CPAMD8: variants seen among roughly 807,000 people sequenced by gnomAD.
The protein encoded by CPAMD8 is C3 and PZP like alpha-2-macroglobulin domain containing 8, also known as C3 and PZP-like alpha-2-macroglobulin domain-containing protein 8.
CPAMD8 carries 146 observed loss-of-function variants against 224.7 expected under a neutral mutation model. That is an observed-to-expected ratio of 0.65 (90% confidence interval 0.57 to 0.75). The LOEUF (loss-of-function observed/expected upper bound fraction) is 0.75, where lower values mean the gene tolerates loss of function less well. Ranked by LOEUF, CPAMD8 falls within the 30% of genes least tolerant of loss-of-function variation. The pLI is 0.00. For synonymous variants in CPAMD8, 966 were observed against 1,044.6 expected (o/e 0.92, Z 1.45); for missense variants, 2,301 against 2,537.5 (o/e 0.91, Z 2.00).
At chr19:17,001,729 GC>G (rs2056330044) in intron 9 of CPAMD8, among the ~76,000 whole-genome samples, 1 of 151,748 alleles carries the variant, frequency 6.6e-6, no homozygotes, top group Admixed American at 6.6e-5. Context: ...GAGCAGGGAG[GC>G]CATGGAAGAA....
chr19:16,930,209 C>T (rs2053504762), intron 23 of CPAMD8, among the ~76,000 whole-genome samples: 1 of 151,188 alleles, frequency 6.6e-6, no homozygotes, highest in East Asian at 1.9e-4. Context: ...GAGCTGAGAT[C>T]GTGCCACTGC....
In CPAMD8 at chr19:16,958,010, C is replaced by T. The variant is rs373703388; in HGVS notation, c.2214-95G>A. On this transcript the variant is annotated intron_variant, in intron 18 of 41. Transcript: ENST00000443236. Reference sequence around the variant, plus strand: ...TTGCATTCTATTTGATCAGATATAACGCGTTAATTTCTTTTACCTGGAAGG... The same window carrying T: ...TTGCATTCTATTTGATCAGATATAATGCGTTAATTTCTTTTACCTGGAAGG... 1.4e-3 allele frequency: 1,597 copies of T among 1,149,030 alleles called. 10 individuals carry two copies. The highest frequency in any genetic ancestry group is 9.9e-3 in the South Asian group (737 of 74,162). 71.2% of individuals were successfully genotyped at this position (1,149,030 alleles called of 1,614,324 possible). A position where few individuals can be genotyped will look rare whatever the true frequency, so the allele number is the denominator to read the frequency against.
At chr19:16,910,011 C>G (rs1235884790) in intron 29 of CPAMD8, among the ~76,000 whole-genome samples, 2 of 150,150 alleles carry the variant, frequency 1.3e-5, no homozygotes, top group Non-Finnish European at 3.0e-5. Flanking sequence ...GCCATGGTGC[C>G]TGGCTGATTT....
chr19:17,002,238 GT>G, intron 9 of CPAMD8, 27 bp downstream of exon 9: 2 of 1,484,004 alleles, frequency 1.3e-6, no homozygotes, highest in Non-Finnish European at 1.9e-6. Context: ...GGCCCCCCCA[GT>G]GTGCCCCAGG....
intron 10 of CPAMD8, among the ~76,000 whole-genome samples, chr19:16,999,898 G>C (rs561979495): frequency 1.2e-3 from 181 of 152,110 alleles, no homozygotes; most frequent in South Asian, 4.2e-4. Flanking sequence ...GGCTGGTCTC[G>C]AATTCATGGC....
In CPAMD8 at chr19:16,993,401, A is replaced by G; in HGVS notation, c.1266+15T>C. On this transcript the variant is annotated intron_variant, in intron 12 of 41. Transcript: ENST00000443236. ...CCTGCTGGCTGAATAACAAGGGTCC[A>G]CGGGACTCACCCACCTCCAGCCACA... 1 of 1,608,064 alleles carries G rather than the reference A, an allele frequency of 6.2e-7. No individual in the cohort carries two copies.
chr19:16,906,366 CTTT>C (rs748977172), intron 30 of CPAMD8, among the ~76,000 whole-genome samples: 2,291 of 69,016 alleles, frequency 0.033, 48 homozygotes, highest in Middle Eastern at 0.065. Flanking sequence ...TTCTTTCTTT[CTTT>C]CTTTCTTTCT....
chr19:16,980,384 G>T (rs2055465645), intron 14 of CPAMD8, 113 bp downstream of exon 14: 4 of 952,704 alleles, frequency 4.2e-6, no homozygotes, highest in African/African-American at 3.3e-5. Flanking sequence ...CTGACCCAAG[G>T]CATGCTCCCC....
Position 16,893,236 on chromosome 19 carries a change from T to A in CPAMD8, c.5530A>T (p.Arg1844Ter), listed in dbSNP as rs774323639. 1.3e-6 allele frequency: 2 copies of A among 1,583,102 alleles called. No homozygotes were observed. The highest frequency in any genetic ancestry group is 2.3e-5 in the South Asian group (2 of 87,276). Residue 1844 changes from arginine to a stop codon, truncating the protein, a stop_gained, in exon 42 of 42, where the codon AGA becomes TGA. Coordinates refer to ENST00000443236, the MANE Select transcript of CPAMD8 (RefSeq NM_015692.5). LOFTEE classifies it low-confidence loss of function (END_TRUNC). ...HRWGQTPAPQ[R>*]HSGRVVGAHR... Reference sequence around the variant, plus strand: ...GCCCCCACCACCCGGCCACTATGTCTCTGAGGGGCCGGAGTCTGGCCCCAT... The same window carrying A: ...GCCCCCACCACCCGGCCACTATGTCACTGAGGGGCCGGAGTCTGGCCCCAT...
At chr19:16,987,185 T>TATATATATATAC (rs2055771555) in intron 13 of CPAMD8, among the ~76,000 whole-genome samples, 1 of 63,980 alleles carries the variant, frequency 1.6e-5, no homozygotes, top group Non-Finnish European at 3.0e-5. Flanking sequence ...AAAAAATATA[T>TATATATATATAC]ATATATATAT....
chr19:16,922,058 C>T, intron 26 of CPAMD8, 72 bp from the exon 27 acceptor site: 1 of 1,021,390 alleles, frequency 9.8e-7, no homozygotes, highest in Non-Finnish European at 1.5e-6. Flanking sequence ...GGACCTACAC[C>T]ACTCTGCCGT....
intron 29 of CPAMD8, chr19:16,910,632 C>T (rs1348919120): frequency 6.6e-6 from 1 of 152,398 alleles, no homozygotes; most frequent in African/African-American, 2.4e-5. Flanking sequence ...ACTTGGTCAT[C>T]CTGCTCTCAA....
chr19:16,975,861 T>C, intron 16 of CPAMD8, 141 bp downstream of exon 16: 2 of 886,786 alleles, frequency 2.3e-6, no homozygotes, highest in East Asian at 3.2e-5. Flanking sequence ...TTAGGTTCCC[T>C]GAAAAATGAA....
At chr19:16,988,344 C>A (rs1599855079) in intron 13 of CPAMD8, among the ~76,000 whole-genome samples, 1 of 152,316 alleles carries the variant, frequency 6.6e-6, no homozygotes, top group Non-Finnish European at 1.5e-5. Context: ...GGCGTGGTGG[C>A]TCACGCCTGT....
rs1044402419 is a variant in CPAMD8 at position 16,945,754 on chromosome 19, C to T, written c.2663-75G>A. 39 of 1,392,406 alleles carry T rather than the reference C, an allele frequency of 2.8e-5. No homozygotes were observed. In the African/African-American group the frequency reaches 5.4e-4, roughly 19 times the overall value. 86.3% of individuals were successfully genotyped at this position (1,392,406 alleles called of 1,614,324 possible). The stretch of plus-strand genomic sequence containing the variant: ...GGGGCTGTCCCATCCCTATCCTTAT[C>T]CCAGATGTGTGTGCATGCATGCATG... On this transcript the variant is annotated intron_variant, in intron 21 of 41. Coordinates refer to ENST00000443236, the MANE Select transcript of CPAMD8 (RefSeq NM_015692.5).
chr19:16,901,291 C>T lies in CPAMD8; in HGVS notation c.4692G>A (p.Leu1564=). The part of the protein sequence containing the change: ...KVMLEVCTRW[L]HAGSSNMAVL... Reference sequence around the variant, plus strand: ...CAGCCATATTGGAAGACCCTGCATGCAGCCACCTTCCAACAACAGGGGAGA... The same window carrying T: ...CAGCCATATTGGAAGACCCTGCATGTAGCCACCTTCCAACAACAGGGGAGA... Residue 1564 remains leucine, a synonymous_variant, in exon 36 of 42, where the codon CTG becomes CTA. Transcript: ENST00000443236. 6.2e-7 allele frequency: 1 copy of T among 1,608,842 alleles called. No homozygotes were observed. Among genetic ancestry groups the T allele is most frequent in the Non-Finnish European group, 8.5e-7 (1 of 1,176,238 alleles).
intron 27 of CPAMD8, among the ~76,000 whole-genome samples, chr19:16,918,720 T>A (rs944352976): frequency 3.3e-5 from 5 of 150,302 alleles, no homozygotes; most frequent in African/African-American, 1.2e-4. Context: ...AGTGCAGGGA[T>A]GACAGGCACG....
intron 41 of CPAMD8, chr19:16,895,727 C>G (rs143580793): frequency 2.8e-6 from 1 of 355,488 alleles, no homozygotes; most frequent in African/African-American, 2.1e-5. Context: ...TTGACGTGCT[C>G]AAAGGCAATG....
intron 28 of CPAMD8, 61 bp downstream of exon 28, chr19:16,914,596 C>G (rs548876286): frequency 6.2e-7 from 1 of 1,612,752 alleles, no homozygotes; most frequent in Non-Finnish European, 8.5e-7. Context: ...ACAGGCAGGT[C>G]AGGGCTGGGG....
Sources: allele counts gnomAD v4.1 joint callset (sites outside exome capture counted in the v4.1 genomes callset), GRCh38; gene constraint gnomAD v4.1.1; transcripts MANE v1.5; gene names NCBI Gene and HGNC (gene_info 2026-07-23, HGNC 2026-07-21).